The following MYH15 variants were observed in gnomAD, a reference collection of about 807,000 sequenced individuals.
MYH15 encodes myosin-15.
Under a neutral mutation model 240.5 loss-of-function variants are expected in MYH15, and 227 were observed. That is an observed-to-expected ratio of 0.94 (90% CI 0.85 to 1.05). MYH15 has a LOEUF of 1.05. Among genes scored for constraint, MYH15 ranks in the 50% least tolerant of loss-of-function variants. MYH15 has a pLI of 0.00. For missense variants in MYH15, 2,217 were observed against 2,247.5 expected, an observed-to-expected ratio of 0.99 and a Z score of 0.27; for synonymous variants, 785 against 796.7, an observed-to-expected ratio of 0.99 and a Z score of 0.25.
At chr3:108,425,053 T>G (rs1377689583) in intron 27 of MYH15, among the ~76,000 whole-genome samples, 2 of 152,208 alleles carry the variant, frequency 1.3e-5, no homozygotes, top group Non-Finnish European at 2.9e-5. Context: ...GTTAAAAGAC[T>G]AGATAATGCA....
chr3:108,459,777 C>A (rs950806123), intron 17 of MYH15, among the ~76,000 whole-genome samples: 4 of 152,036 alleles, frequency 2.6e-5, no homozygotes, highest in African/African-American at 9.7e-5. Context: ...TGTGGAAAAC[C>A]TTTATCTTAG....
chr3:108,502,151 T>C (rs1310307998), intron 2 of MYH15, among the ~76,000 whole-genome samples: 2 of 152,200 alleles, frequency 1.3e-5, no homozygotes, highest in Non-Finnish European at 2.9e-5. Flanking sequence ...TAAGAGTACA[T>C]GGATCATATT....
Position 108,501,859 on chromosome 3 carries a change from C to T in MYH15, c.196-4G>A, listed in dbSNP as rs767107904. Reference sequence around the variant, plus strand: ...TGTCCTCCTTTATGCTCAGACTCTGCAGAGAGAAGAAAAATATATGATATA... The same window carrying T: ...TGTCCTCCTTTATGCTCAGACTCTGTAGAGAGAAGAAAAATATATGATATA... On this transcript the variant is annotated splice_region_variant and splice_polypyrimidine_tract_variant and intron_variant, in intron 2 of 40. Transcript: ENST00000693548. 3.1e-6 allele frequency: 5 copies of T among 1,613,084 alleles called. No individual in the cohort carries two copies. In the African/African-American group the frequency reaches 6.7e-5, roughly 22 times the overall value.
chr3:108,472,821 TTCA>T (rs1248087664), intron 12 of MYH15, among the ~76,000 whole-genome samples: 1 of 152,212 alleles, frequency 6.6e-6, no homozygotes, highest in Non-Finnish European at 1.5e-5. Flanking sequence ...ATTAATCATT[TTCA>T]TCATTTTCTG....
upstream of MYH15, chr3:108,510,674 A>G (rs1000043817): frequency 2.3e-6 from 3 of 1,316,530 alleles, no homozygotes; most frequent in East Asian, 2.3e-5. Context: ...TAGATAGACT[A>G]AAGAGTGTTA....
intron 9 of MYH15, among the ~76,000 whole-genome samples, chr3:108,490,569 G>T (rs1006406998): frequency 6.6e-6 from 1 of 152,130 alleles, no homozygotes; most frequent in South Asian, 2.1e-4. Flanking sequence ...TTTACCCTAC[G>T]TTACCCTCTC....
chr3:108,470,227 A>G lies in MYH15; in HGVS notation c.1384-15T>C. ...AGGCTATTATACTTCAAGGATATGA[A>G]TAGGTAAGAAGAAGAGATAAAAATA... On this transcript the variant is annotated splice_polypyrimidine_tract_variant and intron_variant, in intron 13 of 40. Transcript: ENST00000693548. 6.4e-7 allele frequency: 1 copy of G among 1,555,998 alleles called. No homozygotes were observed. Among genetic ancestry groups the G allele is most frequent in the South Asian group, 1.2e-5 (1 of 82,884 alleles).
the MYH15 span, chr3:108,550,226 TAAAG>T: frequency 6.6e-6 from 1 of 151,418 alleles, no homozygotes; most frequent in African/African-American, 2.4e-5. Flanking sequence ...TTAAAAAAAA[TAAAG>T]ATATTTAACC....
intron 30 of MYH15, among the ~76,000 whole-genome samples, chr3:108,412,272 C>A (rs889772550): frequency 1.3e-5 from 2 of 152,122 alleles, no homozygotes; most frequent in Admixed American, 6.5e-5. Context: ...CTCATGACAG[C>A]GAGTAAGTTC....
intron 11 of MYH15, among the ~76,000 whole-genome samples, chr3:108,483,113 T>A (rs1424243115): frequency 1.3e-5 from 2 of 150,420 alleles, no homozygotes; most frequent in Non-Finnish European, 2.9e-5. Flanking sequence ...GGCACAAGAA[T>A]CGCTTGAACC....
chr3:108,441,442 G>C (rs2082884592), intron 22 of MYH15, among the ~76,000 whole-genome samples, 182 bp from the exon 23 acceptor site: 1 of 152,214 alleles, frequency 6.6e-6, no homozygotes, highest in African/African-American at 2.4e-5. Context: ...GAGAAGTGGA[G>C]AAGTTGCTTG....
At chr3:108,479,886 T>C (rs2083253033) in intron 11 of MYH15, among the ~76,000 whole-genome samples, 1 of 152,212 alleles carries the variant, frequency 6.6e-6, no homozygotes, top group Non-Finnish European at 1.5e-5. Context: ...ACAGGGGTTA[T>C]GATAAAGATA....
chr3:108,389,065 G>C lies in MYH15; in HGVS notation c.5440C>G (p.Leu1814Val). The part of the protein sequence containing the change: ...IQKLESRVRE[L>V]EGELEGEIRR... ...ATTTCACCCTCCAGTTCACCTTCCA[G>C]TTCACGAACCTGCAACCAAAACGTG... Residue 1814 changes from leucine to valine, a missense_variant, in exon 38 of 41, where the codon CTG becomes GTG. Physicochemically the swap from Leu to Val is conservative, Grantham distance 32. Transcript: ENST00000693548. The C allele has an allele frequency of 6.2e-7, 1 of 1,613,880 alleles. No individual in the cohort carries two copies. The highest frequency in any genetic ancestry group is 8.5e-7 in the Non-Finnish European group (1 of 1,179,854).
At chr3:108,503,397 T>C (rs1003015808) in intron 2 of MYH15, among the ~76,000 whole-genome samples, 2 of 152,036 alleles carry the variant, frequency 1.3e-5, no homozygotes, top group Non-Finnish European at 2.9e-5. Context: ...TATGTACAAA[T>C]AATACATGTG....
rs947113110 is a variant in MYH15, at chr3:108,438,599, C to T, written c.3076-900G>A. 2.3e-4 allele frequency among the ~76,000 whole-genome samples: 35 copies of T among 152,142 alleles called. No individual in the cohort carries two copies. The East Asian group carries it at 2.5e-3, about 11-fold the overall frequency. On this transcript the variant is annotated intron_variant, in intron 24 of 40. Transcript: ENST00000693548. Reference sequence around the variant, plus strand: ...AAGTGATGAGGTCATGAAGGTAGAGCCCCCATGAATGGAATTAGTCCTTAT... The same window carrying T: ...AAGTGATGAGGTCATGAAGGTAGAGTCCCCATGAATGGAATTAGTCCTTAT...
the MYH15 span, among the ~76,000 whole-genome samples, chr3:108,549,571 T>C: frequency 1.3e-5 from 2 of 152,030 alleles, no homozygotes; most frequent in Non-Finnish European, 2.9e-5. Flanking sequence ...AAACACATAC[T>C]TGTGAGAATG....
At chr3:108,500,001 G>T in intron 4 of MYH15, 117 bp downstream of exon 4, 2 of 1,176,178 alleles carry the variant, frequency 1.7e-6, no homozygotes, top group Non-Finnish European at 2.3e-6. Flanking sequence ...GAGGCTTCAA[G>T]TGATTAGCTA....
At chr3:108,529,472 TGA>T (rs969515031), upstream of MYH15, 8 of 520,490 alleles carry the variant, frequency 1.5e-5, no homozygotes, top group Admixed American at 2.0e-4. Context: ...AAATTCAGAC[TGA>T]GAGCACATTG....
At chr3:108,520,139 G>A (rs1386762030) in intron 1 of MYH15, among the ~76,000 whole-genome samples, 4 of 152,124 alleles carry the variant, frequency 2.6e-5, no homozygotes. Context: ...CAGGGACCAA[G>A]ACTTGTCAAT....
Sources: gnomAD v4.1 joint callset for allele counts (sites outside exome capture counted in the v4.1 genomes callset) on GRCh38, gnomAD v4.1.1 for gene constraint, MANE v1.5 for transcripts, NCBI Gene and HGNC (gene_info 2026-07-23, HGNC 2026-07-21) for gene names.